Variants in SLIT3 observed in about 807,000 individuals in gnomAD.
The protein encoded by SLIT3 is slit homolog 3 protein.
A neutral mutation model predicts 184.0 loss-of-function variants in SLIT3; 68 were observed. The ratio of observed to expected loss-of-function variants is 0.37; its 90% confidence interval spans 0.30 to 0.45. The LOEUF (loss-of-function observed/expected upper bound fraction) is 0.45. Among genes scored for constraint, SLIT3 ranks in the 20% least tolerant of loss-of-function variants. The pLI, the probability that SLIT3 is intolerant of heterozygous loss-of-function variation, is 1.00. For synonymous variants in SLIT3, 831 were observed against 828.6 expected (o/e 1.00, Z -0.05); for missense variants, 1,707 against 2,026.0 (o/e 0.84, Z 3.02).
intron 4 of SLIT3, among the ~76,000 whole-genome samples, chr5:168,992,539 T>A (rs1407443758): frequency 6.6e-6 from 1 of 152,236 alleles, no homozygotes; most frequent in East Asian, 1.9e-4. Flanking sequence ...AACTCTTTTT[T>A]AAAGCAGGGG....
chr5:168,669,437 C>G (rs1582508662), intron 35 of SLIT3, among the ~76,000 whole-genome samples: 1 of 152,216 alleles, frequency 6.6e-6, no homozygotes, highest in Non-Finnish European at 1.5e-5. Flanking sequence ...GGTTAGCCTA[C>G]AGAGAACTGC....
At chr5:169,024,710 C>T (rs1756745612) in intron 4 of SLIT3, 1 of 152,184 alleles carries the variant, frequency 6.6e-6, no homozygotes, top group African/African-American at 2.4e-5. Flanking sequence ...GTCACACGCA[C>T]CACATCCTCC....
At chr5:169,219,422 G>A (rs1764550805) in intron 3 of SLIT3, among the ~76,000 whole-genome samples, 1 of 152,260 alleles carries the variant, frequency 6.6e-6, no homozygotes, top group African/African-American at 2.4e-5. Flanking sequence ...TCGGAAAACT[G>A]AAGTTACGTG....
intron 4 of SLIT3, among the ~76,000 whole-genome samples, chr5:168,971,085 C>T (rs1417893642): frequency 1.3e-5 from 2 of 152,200 alleles, no homozygotes; most frequent in East Asian, 1.9e-4. Flanking sequence ...AGGCAAGTTT[C>T]CCATCTTGTG....
chr5:169,265,483 C>A (rs554677965), intron 1 of SLIT3, among the ~76,000 whole-genome samples: 1 of 152,180 alleles, frequency 6.6e-6, no homozygotes, highest in African/African-American at 2.4e-5. Flanking sequence ...GATCCAATTC[C>A]CTCACTCAAG....
chr5:168,785,670 G>A (rs1756127124), intron 12 of SLIT3, among the ~76,000 whole-genome samples: 1 of 152,202 alleles, frequency 6.6e-6, no homozygotes, highest in Admixed American at 6.5e-5. Flanking sequence ...GCCTGGGCCA[G>A]GGCCCTCGGC....
chr5:168,848,775 TTAAAA>T (rs894989262), intron 5 of SLIT3, among the ~76,000 whole-genome samples: 1 of 152,112 alleles, frequency 6.6e-6, no homozygotes, highest in Non-Finnish European at 1.5e-5. Flanking sequence ...GAGTGAGGAC[TTAAAA>T]TAATCTCCGC....
intron 4 of SLIT3, among the ~76,000 whole-genome samples, chr5:168,953,479 C>T (rs1441483770): frequency 6.6e-6 from 1 of 152,212 alleles, no homozygotes; most frequent in Non-Finnish European, 1.5e-5. Flanking sequence ...ATATTACATT[C>T]TTGGCCCATG....
intron 4 of SLIT3, among the ~76,000 whole-genome samples, chr5:169,011,865 A>G (rs1345849290): frequency 1.3e-5 from 2 of 152,034 alleles, no homozygotes; most frequent in Non-Finnish European, 2.9e-5. Flanking sequence ...AGCCCCCTGT[A>G]TAGCACTGCC....
chr5:169,276,866 T>C (rs181337651), intron 1 of SLIT3, among the ~76,000 whole-genome samples: 30 of 152,338 alleles, frequency 2.0e-4, no homozygotes, highest in African/African-American at 7.0e-4. Flanking sequence ...AAAGCAGGCT[T>C]TTTGTTTCTC....
chr5:168,719,248 C>A (rs986100767), intron 23 of SLIT3, among the ~76,000 whole-genome samples: 1 of 152,186 alleles, frequency 6.6e-6, no homozygotes, highest in Non-Finnish European at 1.5e-5. Flanking sequence ...GACAGGGTTT[C>A]ACCATATTGG....
intron 5 of SLIT3, among the ~76,000 whole-genome samples, chr5:168,881,940 G>A (rs1039787644): frequency 3.3e-5 from 5 of 152,118 alleles, no homozygotes; most frequent in African/African-American, 9.7e-5. Flanking sequence ...AGCAGCAGGC[G>A]GCCTCCTTGT....
chr5:168,797,680 A>T (rs1365311442), intron 9 of SLIT3, among the ~76,000 whole-genome samples: 3 of 152,206 alleles, frequency 2.0e-5, no homozygotes, highest in African/African-American at 7.2e-5. Context: ...TATTGCTACC[A>T]TAATAAACAT....
At chr5:169,231,583 T>TAC (rs1765005188) in intron 3 of SLIT3, among the ~76,000 whole-genome samples, 1 of 152,254 alleles carries the variant, frequency 6.6e-6, no homozygotes, top group Non-Finnish European at 1.5e-5. Flanking sequence ...ATTACATGAA[T>TAC]ACACCACAGT....
chr5:169,244,141 C>T (rs1233582922), intron 3 of SLIT3, among the ~76,000 whole-genome samples: 1 of 152,248 alleles, frequency 6.6e-6, no homozygotes, highest in East Asian at 1.9e-4. Flanking sequence ...TATTTTTAAA[C>T]CACTGGCAAT....
chr5:169,136,483 C>A (rs1310617588), intron 4 of SLIT3, among the ~76,000 whole-genome samples: 3 of 152,186 alleles, frequency 2.0e-5, no homozygotes, highest in Admixed American at 6.5e-5. Context: ...GCTGTTACCG[C>A]TCCTATGACT....
At chr5:168,668,995 G>A (rs1761146514) in intron 35 of SLIT3, among the ~76,000 whole-genome samples, 1 of 152,200 alleles carries the variant, frequency 6.6e-6, no homozygotes, top group African/African-American at 2.4e-5. Context: ...TCAAGGTCAT[G>A]CAGATTCTAA....
At chr5:168,935,216 A>G (rs914046090) in intron 4 of SLIT3, among the ~76,000 whole-genome samples, 2 of 152,066 alleles carry the variant, frequency 1.3e-5, no homozygotes, top group Non-Finnish European at 2.9e-5. Context: ...CTCATTTTTC[A>G]GATGAGAAGT....
intron 8 of SLIT3, among the ~76,000 whole-genome samples, chr5:168,814,734 G>T (rs990186474): frequency 3.3e-5 from 5 of 152,168 alleles, no homozygotes; most frequent in African/African-American, 1.2e-4. Context: ...AAAAGTATTC[G>T]CAGTTTTTGC....
Sources: gnomAD v4.1 joint callset for allele counts (sites outside exome capture counted in the v4.1 genomes callset) on GRCh38, gnomAD v4.1.1 for gene constraint, MANE v1.5 for transcripts, NCBI Gene and HGNC (gene_info 2026-07-23, HGNC 2026-07-21) for gene names.